Variants in PPP3CA observed in about 807,000 individuals in gnomAD.
PPP3CA encodes the protein protein phosphatase 3 catalytic subunit alpha.
A neutral mutation model predicts 66.5 loss-of-function variants in PPP3CA; 14 were observed. The observed-to-expected ratio is 0.21, with a 90% CI of 0.14 to 0.33. The LOEUF (loss-of-function observed/expected upper bound fraction) is 0.33. PPP3CA is among the 10% of genes least tolerant of loss of function. The pLI is 1.00. For synonymous variants in PPP3CA, 232 were observed against 226.2 expected, an observed-to-expected ratio of 1.03 and a Z score of -0.23; for missense variants, 317 against 639.5, an observed-to-expected ratio of 0.50 and a Z score of 5.44.
At position 101,300,452 on chromosome 4, in the gene PPP3CA, CA is replaced by C. The variant is rs572229353; in HGVS notation, c.58+46286del. Among the ~76,000 whole-genome samples, 16 of 152,238 alleles carry C rather than the reference CA, an allele frequency of 1.1e-4. No homozygotes were observed. In the South Asian group the frequency reaches 3.3e-3, roughly 32 times the overall value. ...ACCGGTGCAACACCATTAATATTAC[CA>C]TAGTGATAAAACCATTTTTGTTTTA... On this transcript the variant is annotated intron_variant, in intron 1 of 13. Coordinates refer to ENST00000394854, the MANE Select transcript of PPP3CA (RefSeq NM_000944.5).
rs1730035724 is a variant in PPP3CA, at chr4:101,347,094, T to C, written c.-298A>G. Reference sequence around the variant, plus strand: ...ATTTTCTGAGCACGCCTCCCGGTTCTTCTTTTATTCTTGGGGGAAGGGGGA... The same window carrying C: ...ATTTTCTGAGCACGCCTCCCGGTTCCTCTTTTATTCTTGGGGGAAGGGGGA... On this transcript the variant is annotated 5_prime_UTR_variant, in exon 1 of 14. Coordinates refer to ENST00000394854, the MANE Select transcript of PPP3CA (RefSeq NM_000944.5). 9 of 514,620 alleles carry C rather than the reference T, an allele frequency of 1.7e-5. No individual in the cohort carries two copies. Among genetic ancestry groups the C allele is most frequent in the South Asian group, 1.7e-4 (8 of 48,272 alleles). 31.9% of individuals were successfully genotyped at this position (514,620 alleles called of 1,614,324 possible).
chr4:101,027,786 T>C (rs1726728572), intron 13 of PPP3CA, among the ~76,000 whole-genome samples: 1 of 152,176 alleles, frequency 6.6e-6, no homozygotes, highest in South Asian at 2.1e-4. Flanking sequence ...GTGTTAAAAA[T>C]GTAGCTAGAA....
chr4:101,150,967 T>C (rs1219904324), intron 2 of PPP3CA, among the ~76,000 whole-genome samples: 1 of 152,200 alleles, frequency 6.6e-6, no homozygotes, highest in African/African-American at 2.4e-5. Flanking sequence ...AAATTACATG[T>C]AATCCACAAA....
intron 1 of PPP3CA, among the ~76,000 whole-genome samples, chr4:101,211,744 G>A (rs1051144400): frequency 6.6e-6 from 1 of 152,110 alleles, no homozygotes; most frequent in African/African-American, 2.4e-5. Context: ...CTGTGATTTT[G>A]TTTAAAATGT....
chr4:101,193,017 C>G (rs1396514995), intron 2 of PPP3CA, among the ~76,000 whole-genome samples: 1 of 152,214 alleles, frequency 6.6e-6, no homozygotes, highest in East Asian at 1.9e-4. Context: ...GATAGGAACA[C>G]ATTTTGGTTT....
At chr4:101,205,730 C>T (rs1425473868) in intron 1 of PPP3CA, among the ~76,000 whole-genome samples, 2 of 152,154 alleles carry the variant, frequency 1.3e-5, no homozygotes, top group African/African-American at 4.8e-5. Context: ...AATGAATTGA[C>T]TTTCTCTTCT....
intron 11 of PPP3CA, among the ~76,000 whole-genome samples, chr4:101,035,383 C>T (rs1370976373): frequency 6.6e-6 from 1 of 152,208 alleles, no homozygotes; most frequent in African/African-American, 2.4e-5. Flanking sequence ...TTTTTACCTA[C>T]AAAACTCTTC....
At chr4:101,188,576 CTT>C (rs962663855) in intron 2 of PPP3CA, among the ~76,000 whole-genome samples, 1 of 152,026 alleles carries the variant, frequency 6.6e-6, no homozygotes, top group Non-Finnish European at 1.5e-5. Context: ...TTTGTTATCT[CTT>C]TTAGATATGG....
At chr4:101,313,153 TCA>T (rs891859787) in intron 1 of PPP3CA, among the ~76,000 whole-genome samples, 3 of 152,138 alleles carry the variant, frequency 2.0e-5, no homozygotes, top group Non-Finnish European at 4.4e-5. Context: ...CATCTCTCTC[TCA>T]GTTTTTAATA....
intron 10 of PPP3CA, among the ~76,000 whole-genome samples, chr4:101,053,851 T>C (rs1728115168): frequency 6.6e-6 from 1 of 152,040 alleles, no homozygotes; most frequent in African/African-American, 2.4e-5. Context: ...TCCTTTTAAA[T>C]GTTTTTCTTA....
intron 1 of PPP3CA, among the ~76,000 whole-genome samples, chr4:101,295,831 T>C (rs1294315837): frequency 1.3e-5 from 2 of 152,190 alleles, no homozygotes; most frequent in Non-Finnish European, 2.9e-5. Context: ...CAGAGGAAAG[T>C]GTAAAAAGTT....
chr4:101,335,777 C>A (rs1312949475), intron 1 of PPP3CA, among the ~76,000 whole-genome samples: 3 of 152,008 alleles, frequency 2.0e-5, no homozygotes, highest in Non-Finnish European at 4.4e-5. Context: ...GCAAGAGTAC[C>A]AAGGAAGAGA....
chr4:101,248,704 T>C (rs1180087707), intron 1 of PPP3CA, among the ~76,000 whole-genome samples: 1 of 152,218 alleles, frequency 6.6e-6, no homozygotes, highest in African/African-American at 2.4e-5. Flanking sequence ...CCAAAGGTAC[T>C]AAGACTCTGG....
At chr4:101,164,056 C>A (rs980792572) in intron 2 of PPP3CA, among the ~76,000 whole-genome samples, 1 of 10,072 alleles carries the variant, frequency 9.9e-5, no homozygotes, top group Admixed American at 9.9e-4. Flanking sequence ...TCATAACTTA[C>A]TGCATCTTTG....
At chr4:101,262,523 T>G (rs780461869) in intron 1 of PPP3CA, among the ~76,000 whole-genome samples, 5 of 152,138 alleles carry the variant, frequency 3.3e-5, no homozygotes, top group Non-Finnish European at 7.4e-5. Flanking sequence ...AAATGGCACT[T>G]CATATTGTAA....
chr4:101,059,142 T>A, intron 10 of PPP3CA, among the ~76,000 whole-genome samples: 1 of 152,096 alleles, frequency 6.6e-6, no homozygotes, highest in East Asian at 1.9e-4. Flanking sequence ...TAGGAAAAAA[T>A]TTCTGCCATT....
intron 1 of PPP3CA, among the ~76,000 whole-genome samples, chr4:101,326,403 G>T (rs1342921589): frequency 6.6e-6 from 1 of 152,098 alleles, no homozygotes; most frequent in East Asian, 1.9e-4. Context: ...GGGATTAAAA[G>T]AAACAGTAAA....
At chr4:101,330,237 G>A in intron 1 of PPP3CA, 3 of 421,852 alleles carry the variant, frequency 7.1e-6, no homozygotes, top group South Asian at 5.4e-5. Context: ...GAAATATCAA[G>A]AGAACTAGAA....
At chr4:101,268,352 C>G (rs1304419000) in intron 1 of PPP3CA, among the ~76,000 whole-genome samples, 1 of 152,112 alleles carries the variant, frequency 6.6e-6, no homozygotes, top group African/African-American at 2.4e-5. Context: ...AAAATTCTGT[C>G]ACATCTCAGT....
Sources: gnomAD v4.1 joint callset for allele counts (sites outside exome capture counted in the v4.1 genomes callset) on GRCh38, gnomAD v4.1.1 for gene constraint, MANE v1.5 for transcripts, NCBI Gene and HGNC (gene_info 2026-07-23, HGNC 2026-07-21) for gene names.